Variants in FARS2 observed in about 807,000 individuals in gnomAD.
FARS2 encodes phenylalanyl-tRNA synthetase 2, mitochondrial.
FARS2 carries 40 observed loss-of-function variants against 46.4 expected under a neutral mutation model. The ratio of observed to expected loss-of-function variants is 0.86; its 90% CI spans 0.67 to 1.12. The LOEUF (loss-of-function observed/expected upper bound fraction) is 1.12. Among genes scored for constraint, FARS2 ranks in the 50% most tolerant of loss-of-function variants. The pLI, the probability that FARS2 is intolerant of heterozygous loss-of-function variation, is 0.00. For missense variants in FARS2, 513 were observed against 567.9 expected (o/e 0.90, Z 0.98); for synonymous variants, 234 against 214.9 (o/e 1.09, Z -0.78).
intron 6 of FARS2, among the ~76,000 whole-genome samples, chr6:5,751,817 C>CTAAA (rs1449059898): frequency 3.3e-5 from 5 of 152,350 alleles, no homozygotes; most frequent in African/African-American, 9.6e-5. Context: ...CAGTTTCTTC[C>CTAAA]ATTTAAAAAT....
At chr6:5,405,378 T>C (rs1164753292) in intron 3 of FARS2, among the ~76,000 whole-genome samples, 1 of 151,852 alleles carries the variant, frequency 6.6e-6, no homozygotes, top group African/African-American at 2.4e-5. Context: ...AGAATGATAA[T>C]GGATTAGGTC....
At chr6:5,458,721 G>A (rs2150293155) in intron 4 of FARS2, among the ~76,000 whole-genome samples, 1 of 152,270 alleles carries the variant, frequency 6.6e-6, no homozygotes, top group South Asian at 2.1e-4. Context: ...CCTAAGAATG[G>A]CAGGGAGTAA....
chr6:5,528,792 T>G (rs756380205), intron 4 of FARS2, among the ~76,000 whole-genome samples: 2 of 152,232 alleles, frequency 1.3e-5, no homozygotes, highest in Admixed American at 6.5e-5. Context: ...GCAACAGGTA[T>G]GTAAGTCATG....
At chr6:5,748,402 A>G (rs1470972402) in intron 6 of FARS2, among the ~76,000 whole-genome samples, 1 of 152,246 alleles carries the variant, frequency 6.6e-6, no homozygotes, top group Non-Finnish European at 1.5e-5. Context: ...AATAACCTCA[A>G]AAGCTTTGGG....
At chr6:5,443,654 C>T (rs1763966327) in intron 4 of FARS2, among the ~76,000 whole-genome samples, 1 of 152,192 alleles carries the variant, frequency 6.6e-6, no homozygotes, top group Non-Finnish European at 1.5e-5. Flanking sequence ...GCCTGGAGCC[C>T]AGCCAGTCTG....
At chr6:5,745,791 C>T (rs1200742293) in intron 6 of FARS2, among the ~76,000 whole-genome samples, 12 of 152,224 alleles carry the variant, frequency 7.9e-5, no homozygotes, top group Admixed American at 6.5e-5. Flanking sequence ...CCTCCCACCT[C>T]GGCCTCACAA....
At chr6:5,540,298 G>C (rs1252051312) in intron 4 of FARS2, among the ~76,000 whole-genome samples, 1 of 152,122 alleles carries the variant, frequency 6.6e-6, no homozygotes, top group Admixed American at 6.5e-5. Context: ...TTACCTTTTA[G>C]ATGGTATTTA....
In FARS2 at chr6:5,667,750, G is replaced by C. The variant is rs113903393; in HGVS notation, c.1217+54430G>C. On this transcript the variant is annotated intron_variant, in intron 6 of 6. Transcript: ENST00000274680. Reference sequence around the variant, plus strand: ...CCAAATCTGTTATTTTGCAGAGGGGGAAGTGGAGACCCAGCCATGCAAAGG... The same window carrying C: ...CCAAATCTGTTATTTTGCAGAGGGGCAAGTGGAGACCCAGCCATGCAAAGG... 1.9e-3 allele frequency among the ~76,000 whole-genome samples: 288 copies of C among 152,296 alleles called. 2 individuals are homozygous for C. The highest frequency in any genetic ancestry group is 6.8e-3 in the African/African-American group (284 of 41,550).
chr6:5,733,184 G>A (rs1362320400), intron 6 of FARS2, among the ~76,000 whole-genome samples: 4 of 152,198 alleles, frequency 2.6e-5, no homozygotes, highest in Admixed American at 1.3e-4. Flanking sequence ...AGCAATTGCT[G>A]TATAGAATTA....
intron 4 of FARS2, among the ~76,000 whole-genome samples, chr6:5,434,090 G>A (rs1425218507): frequency 6.8e-6 from 1 of 147,540 alleles, no homozygotes; most frequent in African/African-American, 2.4e-5. Flanking sequence ...TGGGGAAACT[G>A]TACACATAAA....
chr6:5,710,002 G>T (rs1218673803), intron 6 of FARS2, among the ~76,000 whole-genome samples: 1 of 152,136 alleles, frequency 6.6e-6, no homozygotes, highest in South Asian at 2.1e-4. Flanking sequence ...TCATTTCTAT[G>T]GGCCATTTTC....
At chr6:5,700,371 A>T (rs191015565) in intron 6 of FARS2, among the ~76,000 whole-genome samples, 1 of 151,836 alleles carries the variant, frequency 6.6e-6, no homozygotes. Flanking sequence ...TAAACTGAGG[A>T]GCTTTTAAAA....
chr6:5,670,501 C>T (rs900667814), intron 6 of FARS2, among the ~76,000 whole-genome samples: 3 of 151,998 alleles, frequency 2.0e-5, no homozygotes, highest in Non-Finnish European at 2.9e-5. Context: ...CAATGGATCA[C>T]GAGGGGTGAC....
intron 1 of FARS2, among the ~76,000 whole-genome samples, chr6:5,368,123 A>G (rs1388136275): frequency 1.3e-5 from 2 of 152,094 alleles, no homozygotes; most frequent in Non-Finnish European, 2.9e-5. Context: ...CTGTCTAATC[A>G]TTTGCTTCCT....
intron 3 of FARS2, among the ~76,000 whole-genome samples, chr6:5,423,319 A>G (rs1395063091): frequency 6.6e-6 from 1 of 151,844 alleles, no homozygotes. Context: ...ACCCATACCC[A>G]GATTTCAGAA....
intron 6 of FARS2, among the ~76,000 whole-genome samples, chr6:5,705,651 G>C: frequency 6.6e-6 from 1 of 152,112 alleles, no homozygotes; most frequent in African/African-American, 2.4e-5. Context: ...CTGCCCTTTT[G>C]GTCCCATCAT....
chr6:5,705,838 A>G (rs1348021413), intron 6 of FARS2, among the ~76,000 whole-genome samples: 9 of 151,890 alleles, frequency 5.9e-5, no homozygotes, highest in African/African-American at 2.2e-4. Context: ...CTCCAGTGCA[A>G]CCGCACACAC....
At chr6:5,472,691 G>T (rs1383842942) in intron 4 of FARS2, among the ~76,000 whole-genome samples, 1 of 151,998 alleles carries the variant, frequency 6.6e-6, no homozygotes, top group Non-Finnish European at 1.5e-5. Flanking sequence ...TGTCCTAGGT[G>T]GTCCAAGGTG....
intron 6 of FARS2, among the ~76,000 whole-genome samples, chr6:5,726,108 C>T (rs951697101): frequency 2.6e-5 from 4 of 152,246 alleles, no homozygotes; most frequent in South Asian, 2.1e-4. Flanking sequence ...TTCCTCAAAA[C>T]GGCACCTGCA....
Sources: allele counts gnomAD v4.1 joint callset (sites outside exome capture counted in the v4.1 genomes callset), GRCh38; gene constraint gnomAD v4.1.1; transcripts MANE v1.5; gene names NCBI Gene and HGNC (gene_info 2026-07-23, HGNC 2026-07-21).